Variants in ARHGAP26 observed in about 807,000 individuals in gnomAD.
ARHGAP26 encodes rho GTPase-activating protein 26.
ARHGAP26 carries 38 observed loss-of-function variants against 104.8 expected under a neutral mutation model. That is an observed-to-expected ratio of 0.36 (90% confidence interval 0.28 to 0.48). The LOEUF is 0.48. Ranked by LOEUF, ARHGAP26 falls within the 20% of genes least tolerant of loss-of-function variation. ARHGAP26 has a pLI of 0.99. For missense variants in ARHGAP26, 704 were observed against 947.9 expected, an observed-to-expected ratio of 0.74 and a Z score of 3.38; for synonymous variants, 341 against 340.0, an observed-to-expected ratio of 1.00 and a Z score of -0.03.
intron 17 of ARHGAP26, among the ~76,000 whole-genome samples, chr5:143,076,552 A>T (rs1789057273): frequency 6.6e-6 from 1 of 152,180 alleles, no homozygotes; most frequent in African/African-American, 2.4e-5. Context: ...TTTGTTCCTT[A>T]TCCCCAAATG....
Position 142,874,947 on chromosome 5 carries a change from A to G in ARHGAP26, c.251-163A>G, listed in dbSNP as rs540900464. On this transcript the variant is annotated intron_variant, in intron 2 of 22. Coordinates refer to ENST00000645722, the MANE Select transcript of ARHGAP26 (RefSeq NM_001135608.3). ...AACCTGCATTTCTGGGTCATCCTTA[A>G]TGGTTAATGATTAAAAAGATGAAGG... The G allele has an allele frequency of 4.9e-6, 3 of 615,858 alleles. No individual in the cohort carries two copies. The South Asian group carries it at 5.9e-5, about 12-fold the overall frequency. The allele number at this position is 615,858 out of a possible 1,614,324, so 38.1% of individuals were successfully genotyped here.
chr5:143,147,478 C>T, intron 20 of ARHGAP26, 97 bp downstream of exon 20: 1 of 1,398,732 alleles, frequency 7.1e-7, no homozygotes, highest in Non-Finnish European at 9.7e-7. Context: ...GGACCATTAT[C>T]CCCTGAACAT....
At chr5:142,940,231 G>A (rs1050066039) in intron 11 of ARHGAP26, among the ~76,000 whole-genome samples, 2 of 152,182 alleles carry the variant, frequency 1.3e-5, no homozygotes, top group African/African-American at 2.4e-5. Flanking sequence ...AAAGAGTATG[G>A]ATAGTTAGGA....
At chr5:142,997,576 ATTT>A (rs34395064) in intron 11 of ARHGAP26, among the ~76,000 whole-genome samples, 14 of 120,638 alleles carry the variant, frequency 1.2e-4, no homozygotes, top group Non-Finnish European at 1.4e-4. Flanking sequence ...TGCCTGGCTG[ATTT>A]TTTTTTTTTT....
intron 11 of ARHGAP26, among the ~76,000 whole-genome samples, chr5:142,955,122 ACAC>A (rs1769023550): frequency 3.3e-5 from 5 of 151,100 alleles, no homozygotes; most frequent in Admixed American, 2.6e-4. Flanking sequence ...ACACACACAC[ACAC>A]CCCCCATCTC....
chr5:143,154,679 C>T (rs1287620173), intron 20 of ARHGAP26, among the ~76,000 whole-genome samples: 1 of 152,104 alleles, frequency 6.6e-6, no homozygotes, highest in East Asian at 1.9e-4. Flanking sequence ...CAGGTGCTAC[C>T]CCTCCTTAAA....
In ARHGAP26 at chr5:142,770,732, C is replaced by A. The variant is rs768693812; in HGVS notation, c.-30C>A. On this transcript the variant is annotated 5_prime_UTR_variant, in exon 1 of 23. Coordinates refer to ENST00000645722, the MANE Select transcript of ARHGAP26 (RefSeq NM_001135608.3). ...CGGGCGGCCCGGGCCCCGGCGGAGG[C>A]GCGCCCCCCGGCTGGGCGCCGCGCG... The A allele has an allele frequency of 1.8e-5, 22 of 1,227,868 alleles. No homozygotes were observed. The highest frequency in any genetic ancestry group is 1.2e-4 in the South Asian group (4 of 33,242). The allele number at this position is 1,227,868 out of a possible 1,614,324, so 76.1% of individuals were successfully genotyped here. A position where few individuals can be genotyped will look rare whatever the true frequency, so the allele number is the denominator to read the frequency against.
Position 142,934,700 on chromosome 5 carries a change from G to A in ARHGAP26, c.1107+2575G>A, listed in dbSNP as rs561837790. On this transcript the variant is annotated intron_variant, in intron 11 of 22. Transcript: ENST00000645722. Reference sequence around the variant, plus strand: ...CTTATTTCAGGGAGCTGTTATAGTGGCAACTATTTCCTGTTTTATACTTCT... The same window carrying A: ...CTTATTTCAGGGAGCTGTTATAGTGACAACTATTTCCTGTTTTATACTTCT... Among the ~76,000 whole-genome samples the A allele has an allele frequency of 2.6e-5, 4 of 151,668 alleles. No homozygotes were observed. The East Asian group carries it at 5.8e-4, about 22-fold the overall frequency.
At chr5:143,123,091 C>T (rs1408837162) in intron 18 of ARHGAP26, among the ~76,000 whole-genome samples, 1 of 152,206 alleles carries the variant, frequency 6.6e-6, no homozygotes, top group East Asian at 1.9e-4. Flanking sequence ...GACAGCCAGC[C>T]TCCAAAATGG....
At chr5:143,154,482 A>C (rs258803) in intron 20 of ARHGAP26, among the ~76,000 whole-genome samples, 103,009 of 152,128 alleles carry the variant, frequency 0.68, 36,107 homozygotes, top group African/African-American at 0.87. Flanking sequence ...TCCCCCCACA[A>C]ACTGTCCTTA....
chr5:143,161,308 G>A (rs1416917527), intron 20 of ARHGAP26, among the ~76,000 whole-genome samples: 2 of 151,992 alleles, frequency 1.3e-5, no homozygotes, highest in South Asian at 2.1e-4. Context: ...CACTGCACCC[G>A]GCCTCAGATT....
intron 11 of ARHGAP26, among the ~76,000 whole-genome samples, chr5:142,937,024 A>G (rs919280843): frequency 1.3e-5 from 2 of 152,232 alleles, no homozygotes; most frequent in African/African-American, 2.4e-5. Context: ...AATTTTCTTC[A>G]TCAAAATTAA....
Position 142,879,440 on chromosome 5 carries a change from G to A in ARHGAP26, c.379G>A (p.Ala127Thr), listed in dbSNP as rs745887563. The part of the protein sequence containing the change: ...EKFRKEQIGA[A>T]KEAKKKYDKE... ...GTTTCGAAAGGAACAGATCGGGGCT[G>A]CCAAGGTGAGAATTTTGCAAGCTTT... Residue 127 changes from alanine (A) to threonine (T), a missense_variant, in exon 4 of 23, where the codon GCC (alanine) becomes ACC (threonine). Ala to Thr is a moderately conservative substitution (Grantham distance 58). Coordinates refer to ENST00000645722, the MANE Select transcript of ARHGAP26 (RefSeq NM_001135608.3). 6 of 1,609,958 alleles carry A rather than the reference G, an allele frequency of 3.7e-6. No individual in the cohort carries two copies. Among genetic ancestry groups the A allele is most frequent in the Non-Finnish European group, 5.1e-6 (6 of 1,178,192 alleles).
chr5:143,184,377 G>A lies in ARHGAP26; in HGVS notation c.1989-22821G>A, dbSNP rs551376314. ...AAACATGTATAAGGAGCATTCCCTG[G>A]TGATTCCCTGAGGGTTATGGAGGGA... On this transcript the variant is annotated intron_variant, in intron 20 of 22. Coordinates refer to ENST00000645722, the MANE Select transcript of ARHGAP26 (RefSeq NM_001135608.3). Among the ~76,000 whole-genome samples the A allele has an allele frequency of 4.6e-5, 7 of 152,302 alleles. No individual in the cohort carries two copies. The East Asian group carries it at 1.3e-3, about 29-fold the overall frequency.
At chr5:143,220,865 C>G (rs1811041818) in intron 22 of ARHGAP26, among the ~76,000 whole-genome samples, 1 of 151,946 alleles carries the variant, frequency 6.6e-6, no homozygotes, top group Non-Finnish European at 1.5e-5. Flanking sequence ...TCCCATTTGT[C>G]TCCTTTGGTT....
intron 11 of ARHGAP26, among the ~76,000 whole-genome samples, chr5:143,008,660 A>G (rs11167798): frequency 0.56 from 85,746 of 152,142 alleles, 28,224 homozygotes; most frequent in Non-Finnish European, 0.75. Context: ...TATTTTGTCC[A>G]GATTTTGATC....
At position 142,889,711 on chromosome 5, in the gene ARHGAP26, A is replaced by C. The variant is rs76814169; in HGVS notation, c.486+4312A>C. ...AACATAGTCAATGAAAGCCTCTCCT[A>C]AAGAGGTAACATTTAAACTGAGCCC... is the stretch of plus-strand genomic sequence containing the variant. On this transcript the variant is annotated intron_variant, in intron 5 of 22. Coordinates refer to ENST00000645722, the MANE Select transcript of ARHGAP26 (RefSeq NM_001135608.3). Among the ~76,000 whole-genome samples, 431 of 152,302 alleles carry C rather than the reference A, an allele frequency of 2.8e-3. 8 individuals are homozygous for C. The East Asian group carries it at 0.049, about 17-fold the overall frequency.
intron 1 of ARHGAP26, among the ~76,000 whole-genome samples, chr5:142,823,927 A>G (rs1035988431): frequency 2.0e-5 from 3 of 152,274 alleles, no homozygotes; most frequent in African/African-American, 7.2e-5. Flanking sequence ...TCTTATTTGT[A>G]AAACTGAAAA....
chr5:142,984,802 C>G (rs1253841855), intron 11 of ARHGAP26, among the ~76,000 whole-genome samples: 1 of 152,126 alleles, frequency 6.6e-6, no homozygotes, highest in Non-Finnish European at 1.5e-5. Flanking sequence ...CTACCATGCT[C>G]TCAGTCATAC....
Sources: allele counts gnomAD v4.1 joint callset (sites outside exome capture counted in the v4.1 genomes callset), GRCh38; gene constraint gnomAD v4.1.1; transcripts MANE v1.5; gene names NCBI Gene and HGNC (gene_info 2026-07-23, HGNC 2026-07-21).